The following FKTN variants were observed in gnomAD, a reference collection of about 807,000 sequenced individuals.
The protein encoded by FKTN is fukutin.
In FKTN, 47 loss-of-function variants were observed where a neutral mutation model predicts 58.6. The observed-to-expected ratio is 0.80, with a 90% CI of 0.63 to 1.02. The LOEUF is 1.02. Among genes scored for constraint, FKTN ranks in the 50% least tolerant of loss-of-function variants. The pLI is 0.00. For synonymous variants in FKTN, 178 were observed against 191.9 expected (o/e 0.93, Z 0.60); for missense variants, 516 against 537.3 (o/e 0.96, Z 0.39).
chr9:105,636,347 C>T lies in FKTN; in HGVS notation c.*1083C>T. 1.0e-6 allele frequency: 1 copy of T among 982,272 alleles called. No homozygotes were observed. The allele number at this position is 982,272 out of a possible 1,614,324, so 60.8% of individuals were successfully genotyped here. Reference sequence around the variant, plus strand: ...AAACCTGCCTGTTTCTTCTCCTCTTCTAATATATCAGATCTCCAAAATGGA... The same window carrying T: ...AAACCTGCCTGTTTCTTCTCCTCTTTTAATATATCAGATCTCCAAAATGGA... On this transcript the variant is annotated 3_prime_UTR_variant, in exon 11 of 11. Coordinates refer to ENST00000357998, the MANE Select transcript of FKTN (RefSeq NM_001079802.2).
chr9:105,588,084 G>A (rs1386708313), intron 3 of FKTN, among the ~76,000 whole-genome samples: 1 of 152,172 alleles, frequency 6.6e-6, no homozygotes, highest in Non-Finnish European at 1.5e-5. Context: ...TAATGATCAT[G>A]CTGAATTAGG....
At chr9:105,574,231 C>G (rs1841288134) in intron 2 of FKTN, 1 of 151,832 alleles carries the variant, frequency 6.6e-6, no homozygotes, top group African/African-American at 2.4e-5. Flanking sequence ...CCTTAGATAT[C>G]AAGCATAAGA....
intron 10 of FKTN, chr9:105,624,375 C>T (rs1832470062): frequency 6.6e-6 from 1 of 152,264 alleles, no homozygotes; most frequent in South Asian, 2.1e-4. Flanking sequence ...TGCCTTTAAT[C>T]CCAGCACTTC....
chr9:105,565,814 A>G lies in FKTN; in HGVS notation c.-181+7649A>G, dbSNP rs150410688. ...GCAAGTGGACCTAATAGACATCTAT[A>G]GAACTCTCCACCCCAAATCAACAGA... On this transcript the variant is annotated intron_variant, in intron 1 of 10. Transcript: ENST00000357998. 5.0e-3 allele frequency among the ~76,000 whole-genome samples: 764 copies of G among 152,324 alleles called. 9 individuals are homozygous for G. The highest frequency in any genetic ancestry group is 0.017 in the African/African-American group (725 of 41,578).
chr9:105,563,602 G>GA (rs1423637796), intron 1 of FKTN, among the ~76,000 whole-genome samples: 1 of 151,992 alleles, frequency 6.6e-6, no homozygotes, highest in African/African-American at 2.4e-5. Context: ...CGAGGCTGGG[G>GA]GGGGGGGCAC....
At chr9:105,572,874 TC>T (rs1351054683) in intron 1 of FKTN, among the ~76,000 whole-genome samples, 17 of 152,188 alleles carry the variant, frequency 1.1e-4, no homozygotes, top group African/African-American at 3.6e-4. Flanking sequence ...GAGACTACCC[TC>T]TAGTCTAGAA....
At chr9:105,571,998 C>A (rs1220239463) in intron 1 of FKTN, among the ~76,000 whole-genome samples, 1 of 152,116 alleles carries the variant, frequency 6.6e-6, no homozygotes, top group Non-Finnish European at 1.5e-5. Flanking sequence ...TGGTCCCAAG[C>A]ATTTTGGATA....
At chr9:105,622,485 T>A (rs1375542816) in intron 10 of FKTN, among the ~76,000 whole-genome samples, 2 of 151,952 alleles carry the variant, frequency 1.3e-5, no homozygotes, top group Non-Finnish European at 2.9e-5. Context: ...CTGCTACCTA[T>A]CAGGCACTGT....
intron 3 of FKTN, among the ~76,000 whole-genome samples, chr9:105,579,885 T>G (rs1037283428): frequency 6.6e-6 from 1 of 152,070 alleles, no homozygotes; most frequent in African/African-American, 2.4e-5. Flanking sequence ...GCTAGTTAGC[T>G]CTTCTTGTTG....
chr9:105,572,045 A>T (rs1316371779), intron 1 of FKTN, among the ~76,000 whole-genome samples: 1 of 152,138 alleles, frequency 6.6e-6, no homozygotes, highest in Non-Finnish European at 1.5e-5. Context: ...TTGTATTTCC[A>T]TGGGTTTTAA....
chr9:105,618,596 T>C (rs778245817), intron 9 of FKTN, among the ~76,000 whole-genome samples: 1 of 152,184 alleles, frequency 6.6e-6, no homozygotes, highest in African/African-American at 2.4e-5. Flanking sequence ...CTTGTTTATC[T>C]TATATGTCCT....
rs111866278 is a variant in FKTN at position 105,589,082 on chromosome 9, A to G, written c.106-7516A>G. Among the ~76,000 whole-genome samples, 1,008 of 152,348 alleles carry G rather than the reference A, an allele frequency of 6.6e-3. 17 individuals are homozygous for G. Among genetic ancestry groups the G allele is most frequent in the African/African-American group, 0.023 (956 of 41,574 alleles). ...CTCCAGAGACGGATTAAACGTTAAG[A>G]TAATGAAATTTAAACTTCAGGGCCC... On this transcript the variant is annotated intron_variant, in intron 3 of 10. Coordinates refer to ENST00000357998, the MANE Select transcript of FKTN (RefSeq NM_001079802.2).
At chr9:105,593,270 G>A (rs892414202) in intron 3 of FKTN, among the ~76,000 whole-genome samples, 1 of 152,122 alleles carries the variant, frequency 6.6e-6, no homozygotes, top group African/African-American at 2.4e-5. Context: ...TAAACAGTTA[G>A]ATCTCAGGAT....
intron 5 of FKTN, among the ~76,000 whole-genome samples, chr9:105,602,473 A>C (rs1828053479): frequency 6.6e-6 from 1 of 152,264 alleles, no homozygotes; most frequent in South Asian, 2.1e-4. Context: ...AGGAAGAAGC[A>C]AAAGCTCAGC....
At chr9:105,626,689 A>G (rs770426179) in intron 10 of FKTN, among the ~76,000 whole-genome samples, 1 of 152,174 alleles carries the variant, frequency 6.6e-6, no homozygotes, top group African/African-American at 2.4e-5. Flanking sequence ...AGTTATTCCA[A>G]GTTATATTCC....
chr9:105,610,568 C>CT (rs551900614), intron 7 of FKTN, among the ~76,000 whole-genome samples: 2 of 151,976 alleles, frequency 1.3e-5, no homozygotes, highest in Non-Finnish European at 2.9e-5. Flanking sequence ...TCTTCTCACC[C>CT]TACCTGGGCA....
chr9:105,619,804 C>A, intron 9 of FKTN, 130 bp from the exon 10 acceptor site: 1 of 763,912 alleles, frequency 1.3e-6, no homozygotes, highest in Non-Finnish European at 2.0e-6. Context: ...AAAAAATGTG[C>A]ATCTTAGAAT....
intron 7 of FKTN, among the ~76,000 whole-genome samples, chr9:105,614,447 T>C (rs1225277339): frequency 6.6e-6 from 1 of 152,152 alleles, no homozygotes; most frequent in Non-Finnish European, 1.5e-5. Context: ...ATAAAATGAA[T>C]GCACTTTCCT....
intron 10 of FKTN, among the ~76,000 whole-genome samples, chr9:105,632,210 C>T (rs994543244): frequency 6.6e-6 from 1 of 151,324 alleles, no homozygotes; most frequent in African/African-American, 2.4e-5. Flanking sequence ...TAGGTGGGAA[C>T]TGAACAATGA....
Sources: gnomAD v4.1 joint callset for allele counts (sites outside exome capture counted in the v4.1 genomes callset) on GRCh38, gnomAD v4.1.1 for gene constraint, MANE v1.5 for transcripts, NCBI Gene and HGNC (gene_info 2026-07-23, HGNC 2026-07-21) for gene names.